The following FMN2 variants were observed in gnomAD, a reference collection of about 807,000 sequenced individuals.
The protein encoded by FMN2 is formin-2.
A neutral mutation model predicts 142.3 loss-of-function variants in FMN2; 51 were observed. That is an observed-to-expected ratio of 0.36 (90% CI 0.29 to 0.45). The LOEUF is 0.45. FMN2 is among the 20% of genes least tolerant of loss of function. The probability of loss-of-function intolerance (pLI) is 1.00; values close to 1 mark genes in which losing one functional copy is unlikely to be tolerated. For synonymous variants in FMN2, 882 were observed against 869.8 expected, an observed-to-expected ratio of 1.01 and a Z score of -0.25; for missense variants, 1,936 against 2,122.8, an observed-to-expected ratio of 0.91 and a Z score of 1.73.
At chr1:240,271,956 A>C (rs1443280771) in intron 7 of FMN2, among the ~76,000 whole-genome samples, 1 of 152,190 alleles carries the variant, frequency 6.6e-6, no homozygotes, top group African/African-American at 2.4e-5. Flanking sequence ...ACATTGTTCC[A>C]TAGTTGGACT....
chr1:240,350,641 A>G (rs559494758), intron 13 of FMN2, among the ~76,000 whole-genome samples: 1 of 152,374 alleles, frequency 6.6e-6, no homozygotes, highest in South Asian at 2.1e-4. Context: ...CTAGCCCAAG[A>G]TTACAGAGCT....
intron 14 of FMN2, among the ~76,000 whole-genome samples, chr1:240,388,037 G>T (rs759418441): frequency 1.6e-4 from 24 of 151,454 alleles, no homozygotes; most frequent in Non-Finnish European, 2.9e-4. Context: ...ATTAAGCCAG[G>T]CGTGGTGGCG....
rs750510423 is a variant in FMN2, at chr1:240,294,686, T to C, written c.4154-136T>C. On this transcript the variant is annotated intron_variant, in intron 7 of 17. Transcript: ENST00000319653. The stretch of plus-strand genomic sequence containing the variant: ...GAAATTCCTGGTGCAGGCTTTGCAG[T>C]GGGGGCAAGGGGAAACATTGAAGTT... 5.6e-6 allele frequency: 4 copies of C among 713,986 alleles called. No homozygotes were observed. In the South Asian group the frequency reaches 6.9e-5, roughly 12 times the overall value. The allele number at this position is 713,986 out of a possible 1,614,324, so 44.2% of individuals were successfully genotyped here.
intron 16 of FMN2, chr1:240,458,381 A>G (rs1016344484): frequency 3.3e-5 from 5 of 152,146 alleles, no homozygotes; most frequent in Non-Finnish European, 7.3e-5. Context: ...TATGAGTTTT[A>G]CAGGGAGGAA....
intron 16 of FMN2, among the ~76,000 whole-genome samples, chr1:240,462,640 C>A (rs1229443849): frequency 6.6e-6 from 1 of 152,138 alleles, no homozygotes; most frequent in Non-Finnish European, 1.5e-5. Flanking sequence ...ATTTAGTCAG[C>A]TATTTTTTAA....
chr1:240,170,631 TA>T (rs754765743), intron 2 of FMN2: 15 of 1,577,600 alleles, frequency 9.5e-6, no homozygotes, highest in Non-Finnish European at 1.1e-5. Context: ...TTGTGGCTGA[TA>T]TCTCTGTTGC....
intron 7 of FMN2, among the ~76,000 whole-genome samples, chr1:240,283,092 A>G (rs1434760510): frequency 2.0e-5 from 3 of 152,216 alleles, no homozygotes; most frequent in East Asian, 3.8e-4. Flanking sequence ...AGTTTCAAAT[A>G]AAGATTGAGG....
rs753903246 is a variant in FMN2 at position 240,207,010 on chromosome 1, T to C, written c.2198T>C (p.Val733Ala). 6 of 1,614,168 alleles carry C rather than the reference T, an allele frequency of 3.7e-6. No individual in the cohort carries two copies. Among genetic ancestry groups the C allele is most frequent in the Non-Finnish European group, 3.4e-6 (4 of 1,180,022 alleles). Reference sequence around the variant, plus strand: ...GCTCTCAGGTTAGAAGAAAAGGAAGTACGGCATCATAGGATTTTAGAGGCG... The same window carrying C: ...GCTCTCAGGTTAGAAGAAAAGGAAGCACGGCATCATAGGATTTTAGAGGCG... ...LEALRLEEKEVRHHRILEAKS... is the reference protein window; with the variant it reads ...LEALRLEEKEARHHRILEAKS... The change falls in exon 5 of 18, where the codon GTA (valine) becomes GCA (alanine). Residue 733 changes from valine to alanine, a missense_variant. Coordinates refer to ENST00000319653, the MANE Select transcript of FMN2 (RefSeq NM_020066.5).
At chr1:240,120,039 CA>C (rs1363555701) in intron 1 of FMN2, among the ~76,000 whole-genome samples, 1 of 152,052 alleles carries the variant, frequency 6.6e-6, no homozygotes, top group Non-Finnish European at 1.5e-5. Context: ...ATTTCCCCTC[CA>C]AAAAATCCTG....
At chr1:240,209,966 A>G (rs73115015) in intron 5 of FMN2, among the ~76,000 whole-genome samples, 3,453 of 152,262 alleles carry the variant, frequency 0.023, 135 homozygotes, top group African/African-American at 0.078. Flanking sequence ...TTACAGTCCC[A>G]TCTTGTGGGC....
At chr1:240,251,845 T>G (rs528446734) in intron 6 of FMN2, among the ~76,000 whole-genome samples, 1 of 152,306 alleles carries the variant, frequency 6.6e-6, no homozygotes, top group African/African-American at 2.4e-5. Context: ...ACATTCAAGG[T>G]TATTATTGAT....
chr1:240,293,449 A>G (rs769372877), intron 7 of FMN2, among the ~76,000 whole-genome samples: 8 of 152,136 alleles, frequency 5.3e-5, no homozygotes, highest in Non-Finnish European at 1.2e-4. Flanking sequence ...CTCTGCACAA[A>G]TTGAAAGAAG....
chr1:240,164,779 T>C (rs945980008), intron 2 of FMN2, among the ~76,000 whole-genome samples: 1 of 152,220 alleles, frequency 6.6e-6, no homozygotes, highest in African/African-American at 2.4e-5. Flanking sequence ...AGTTTTACTG[T>C]ATTCACCCAC....
At chr1:240,189,941 A>G (rs186820299) in intron 4 of FMN2, among the ~76,000 whole-genome samples, 2 of 152,226 alleles carry the variant, frequency 1.3e-5, no homozygotes, top group African/African-American at 4.8e-5. Context: ...AAGTTTTTCT[A>G]AATTCTTATG....
At chr1:240,135,981 GT>G (rs11353423) in intron 2 of FMN2, among the ~76,000 whole-genome samples, 17,987 of 142,474 alleles carry the variant, frequency 0.13, 1,541 homozygotes, top group African/African-American at 0.24. Context: ...GCCTAGTCAT[GT>G]TTTTTTTTTT....
At chr1:240,192,443 A>G (rs1665733655) in intron 4 of FMN2, among the ~76,000 whole-genome samples, 1 of 152,224 alleles carries the variant, frequency 6.6e-6, no homozygotes. Flanking sequence ...CTAAAGAAAC[A>G]TTGTTGAGTA....
At chr1:240,307,912 A>T (rs954326815) in intron 8 of FMN2, among the ~76,000 whole-genome samples, 5 of 152,100 alleles carry the variant, frequency 3.3e-5, no homozygotes, top group African/African-American at 7.2e-5. Context: ...GATTTCTTTC[A>T]GCAGTGTTTT....
chr1:240,092,260 G>A lies in FMN2; in HGVS notation c.151G>A (p.Gly51Arg), dbSNP rs766875636. Reference sequence around the variant, plus strand: ...GAAGGCGCTAGGCAAGCACGGCAAGGGGGGAGGGGGCGGCGGCGGCGGCGG... The same window carrying A: ...GAAGGCGCTAGGCAAGCACGGCAAGAGGGGAGGGGGCGGCGGCGGCGGCGG... ...GKKALGKHGK[G>R]GGGGGGGGES... Residue 51 changes from glycine (G) to arginine (R), a missense_variant, in exon 1 of 18, where the codon GGG (glycine) becomes AGG (arginine). Gly to Arg is a moderately radical substitution (Grantham distance 125). Around this residue, in one of 8 missense-constraint regions of FMN2, gnomAD observed 751 missense variants for 791.8 expected, o/e 0.95. Transcript: ENST00000319653. 2 of 1,354,484 alleles carry A rather than the reference G, an allele frequency of 1.5e-6. No individual in the cohort carries two copies. The highest frequency in any genetic ancestry group is 1.2e-5 in the South Asian group (1 of 81,908). The allele number at this position is 1,354,484 out of a possible 1,614,324, so 83.9% of individuals were successfully genotyped here. A position where few individuals can be genotyped will look rare whatever the true frequency, so the allele number is the denominator to read the frequency against.
chr1:240,415,833 C>T (rs1324068948), intron 15 of FMN2, among the ~76,000 whole-genome samples: 1 of 152,178 alleles, frequency 6.6e-6, no homozygotes, highest in Admixed American at 6.5e-5. Context: ...TATTAAGATA[C>T]ATCCCTGTCC....
Sources: allele counts gnomAD v4.1 joint callset (sites outside exome capture counted in the v4.1 genomes callset), GRCh38; gene constraint gnomAD v4.1.1; regional missense constraint gnomAD v4.1.1; transcripts MANE v1.5; gene names NCBI Gene and HGNC (gene_info 2026-07-23, HGNC 2026-07-21).